The following OSBPL3 variants were observed in gnomAD, a reference collection of about 807,000 sequenced individuals.
OSBPL3 encodes oxysterol binding protein like 3.
OSBPL3 carries 65 observed loss-of-function variants against 120.1 expected under a neutral mutation model. That is an observed-to-expected ratio of 0.54 (90% CI 0.44 to 0.67). OSBPL3 has a LOEUF of 0.67. OSBPL3 is among the 30% of genes least tolerant of loss of function. OSBPL3 has a pLI of 0.00. For synonymous variants in OSBPL3, 416 were observed against 402.6 expected (o/e 1.03, Z -0.40); for missense variants, 1,004 against 1,082.1 (o/e 0.93, Z 1.01).
At chr7:24,888,364 G>GA (rs1804840030) in intron 2 of OSBPL3, among the ~76,000 whole-genome samples, 2 of 152,170 alleles carry the variant, frequency 1.3e-5, no homozygotes. Flanking sequence ...TTTTATTGAT[G>GA]AAAAAACTGA....
At chr7:24,911,907 T>G (rs1808878278) in intron 1 of OSBPL3, among the ~76,000 whole-genome samples, 1 of 152,224 alleles carries the variant, frequency 6.6e-6, no homozygotes, top group South Asian at 2.1e-4. Flanking sequence ...GGGTGGTTAC[T>G]GGTAGACTAG....
rs1259664389 is a variant in OSBPL3 at position 24,938,901 on chromosome 7, A to C, written c.-150+40985T>G. 6.6e-6 allele frequency among the ~76,000 whole-genome samples: 1 copy of C among 151,968 alleles called. No individual in the cohort carries two copies. The highest frequency in any genetic ancestry group is 1.5e-5 in the Non-Finnish European group (1 of 67,998). ...AAGATTGTTATTAAGGAAAAAGTAT[A>C]TAATGGGAGGCAACATTATTTGACA... On this transcript the variant is annotated intron_variant, in intron 1 of 22. Coordinates refer to ENST00000313367, the MANE Select transcript of OSBPL3 (RefSeq NM_015550.4). This position sits in a 1 kb window ranked among gnomAD's most constrained non-coding sequence, Gnocchi z 5.8.
intron 1 of OSBPL3, among the ~76,000 whole-genome samples, chr7:24,929,018 G>C (rs1484074942): frequency 9.2e-5 from 14 of 152,158 alleles, no homozygotes; most frequent in African/African-American, 3.1e-4. Context: ...GAAGCAGTAC[G>C]ACGGGCCAGA....
chr7:24,849,821 G>A lies in OSBPL3; in HGVS notation c.1159-645C>T, dbSNP rs918267480. 1.3e-5 allele frequency among the ~76,000 whole-genome samples: 2 copies of A among 152,016 alleles called. No homozygotes were observed. Among genetic ancestry groups the A allele is most frequent in the Non-Finnish European group, 2.9e-5 (2 of 67,992 alleles). On this transcript the variant is annotated intron_variant, in intron 11 of 22. Transcript: ENST00000313367. This position sits in a 1 kb window ranked among gnomAD's most constrained non-coding sequence, Gnocchi z 5.4. ...AATGCAAAAATTAGTTGGGCATGGT[G>A]GCACACACCTGTAGTCCCAGCTACT...
chr7:24,892,460 C>T lies in OSBPL3; in HGVS notation c.13G>A (p.Glu5Lys), dbSNP rs764767253. MMSD[E>K]KNLGVSQKLV... ...TTTTGGGACACACCAAGGTTCTTCT[C>T]ATCACTCATCATGGACAGCAAGTCA... Residue 5 changes from glutamate to lysine, a missense_variant, in exon 2 of 23, where the codon GAG (glutamate) becomes AAG (lysine). Coordinates refer to ENST00000313367, the MANE Select transcript of OSBPL3 (RefSeq NM_015550.4). 2 of 1,613,430 alleles carry T rather than the reference C, an allele frequency of 1.2e-6. No homozygotes were observed.
intron 10 of OSBPL3, among the ~76,000 whole-genome samples, chr7:24,861,254 T>C (rs1222156690): frequency 6.6e-6 from 1 of 152,224 alleles, no homozygotes; most frequent in East Asian, 1.9e-4. Context: ...TCTAAGTTAA[T>C]TCCTACAATG....
At chr7:24,914,565 C>T (rs1809283131) in intron 1 of OSBPL3, among the ~76,000 whole-genome samples, 1 of 151,988 alleles carries the variant, frequency 6.6e-6, no homozygotes, top group Non-Finnish European at 1.5e-5. Flanking sequence ...CAAACCTAGA[C>T]ACATTTCTGC....
chr7:24,880,110 G>A (rs1803443102), intron 2 of OSBPL3, among the ~76,000 whole-genome samples: 1 of 152,058 alleles, frequency 6.6e-6, no homozygotes, highest in African/African-American at 2.4e-5. Context: ...TTGCTATTGT[G>A]GTAGTGATTA....
At chr7:24,901,912 T>C (rs528884243) in intron 1 of OSBPL3, among the ~76,000 whole-genome samples, 8 of 152,362 alleles carry the variant, frequency 5.3e-5, no homozygotes, top group Admixed American at 2.6e-4. Context: ...AATGAGATAA[T>C]TGCTGCCAAT....
intron 2 of OSBPL3, among the ~76,000 whole-genome samples, chr7:24,874,116 G>C (rs1158819975): frequency 6.6e-6 from 1 of 152,202 alleles, no homozygotes; most frequent in Admixed American, 6.5e-5. Flanking sequence ...CTTGGAATAA[G>C]TCTGCAAACA....
chr7:24,979,362 T>C (rs1817944647), intron 1 of OSBPL3, among the ~76,000 whole-genome samples: 1 of 151,824 alleles, frequency 6.6e-6, no homozygotes, highest in African/African-American at 2.4e-5. Flanking sequence ...GAATGTGCCC[T>C]GGGCCTCCAG....
chr7:24,798,735 C>A lies in OSBPL3; in HGVS notation c.*1448G>T, dbSNP rs1307662147. 1 of 152,582 alleles carries A rather than the reference C, an allele frequency of 6.6e-6. No individual in the cohort carries two copies. The highest frequency in any genetic ancestry group is 1.5e-5 in the Non-Finnish European group (1 of 68,014). The allele number at this position is 152,582 out of a possible 1,614,324, so 9.5% of individuals were successfully genotyped here. ...CTCTTCATTCATAACATTCGATATGCTCTGAATTTCTTTAAGTATCTCAAA... is the reference window on the plus strand; with the variant it reads ...CTCTTCATTCATAACATTCGATATGATCTGAATTTCTTTAAGTATCTCAAA... On this transcript the variant is annotated 3_prime_UTR_variant, in exon 23 of 23. Coordinates refer to ENST00000313367, the MANE Select transcript of OSBPL3 (RefSeq NM_015550.4). This position sits in a 1 kb window ranked among gnomAD's most constrained non-coding sequence, Gnocchi z 4.6.
In OSBPL3 at chr7:24,881,891, A is replaced by T. The variant is rs1026604445; in HGVS notation, c.97-9822T>A. Among the ~76,000 whole-genome samples, 1 of 151,850 alleles carries T rather than the reference A, an allele frequency of 6.6e-6. No homozygotes were observed. The highest frequency in any genetic ancestry group is 6.6e-5 in the Admixed American group (1 of 15,244). ...GCTTGGCTTGTAGCTGCATCACTCC[A>T]ATCTCTCTCTCCACCATCACATCAC... On this transcript the variant is annotated intron_variant, in intron 2 of 22. Coordinates refer to ENST00000313367, the MANE Select transcript of OSBPL3 (RefSeq NM_015550.4). The surrounding 1 kb of genome is among the most constrained non-coding windows in gnomAD (Gnocchi z 4.3).
chr7:24,879,127 C>T lies in OSBPL3; in HGVS notation c.97-7058G>A, dbSNP rs1803277012. Among the ~76,000 whole-genome samples the T allele has an allele frequency of 1.3e-5, 2 of 152,184 alleles. No individual in the cohort carries two copies. The highest frequency in any genetic ancestry group is 1.3e-4 in the Admixed American group (2 of 15,278). ...TATGAAAGTCTCTGGAGTGCTCCATCAGAGGCTGGTGGTCACCTGGCAGAG... is the reference window on the plus strand; with the variant it reads ...TATGAAAGTCTCTGGAGTGCTCCATTAGAGGCTGGTGGTCACCTGGCAGAG... On this transcript the variant is annotated intron_variant, in intron 2 of 22. Coordinates refer to ENST00000313367, the MANE Select transcript of OSBPL3 (RefSeq NM_015550.4). The surrounding 1 kb of genome is among the most constrained non-coding windows in gnomAD (Gnocchi z 5.6).
chr7:24,851,189 G>GA lies in OSBPL3; in HGVS notation c.1158+1314dup, dbSNP rs954641931. Among the ~76,000 whole-genome samples the GA allele has an allele frequency of 6.6e-5, 10 of 151,340 alleles. No individual in the cohort carries two copies. Among genetic ancestry groups the GA allele is most frequent in the Non-Finnish European group, 1.0e-4 (7 of 67,846 alleles). On this transcript the variant is annotated intron_variant, in intron 11 of 22. Coordinates refer to ENST00000313367, the MANE Select transcript of OSBPL3 (RefSeq NM_015550.4). The surrounding 1 kb of genome is among the most constrained non-coding windows in gnomAD (Gnocchi z 4.1). ...TAATGAGAACAATAAGAAAGTTAGG[G>GA]AAAAAAAACAAAAACACTTTGCTTC...
At chr7:24,884,419 A>G (rs183822039) in intron 2 of OSBPL3, among the ~76,000 whole-genome samples, 4 of 152,318 alleles carry the variant, frequency 2.6e-5, no homozygotes, top group East Asian at 1.9e-4. Flanking sequence ...CTGAGACTCC[A>G]AAGGGTAGCA....
Position 24,914,056 on chromosome 7 carries a change from C to T in OSBPL3, c.-149-21435G>A, listed in dbSNP as rs139902534. Among the ~76,000 whole-genome samples the T allele has an allele frequency of 2.1e-3, 318 of 152,168 alleles. 1 individual carries two copies. Among genetic ancestry groups the T allele is most frequent in the African/African-American group, 7.5e-3 (310 of 41,512 alleles). ...ATATTGCAGTGCAAAGATCTAGTTCCCACCACAAATGGGCTTCCCTGAGGG... is the reference window on the plus strand; with the variant it reads ...ATATTGCAGTGCAAAGATCTAGTTCTCACCACAAATGGGCTTCCCTGAGGG... On this transcript the variant is annotated intron_variant, in intron 1 of 22. Transcript: ENST00000313367.
intron 16 of OSBPL3, among the ~76,000 whole-genome samples, chr7:24,828,633 A>AAAAAAAAAAAG (rs1554349993): frequency 7.4e-5 from 10 of 134,622 alleles, no homozygotes; most frequent in Admixed American, 2.4e-4. Context: ...AAAAAAAAAA[A>AAAAAAAAAAAG]AAAGGCATCG....
At chr7:24,917,791 T>G (rs1809893957) in intron 1 of OSBPL3, among the ~76,000 whole-genome samples, 1 of 152,038 alleles carries the variant, frequency 6.6e-6, no homozygotes, top group Non-Finnish European at 1.5e-5. Context: ...TCTTAAACAT[T>G]CACTCTTAAA....
Sources: gnomAD v4.1 joint callset for allele counts (sites outside exome capture counted in the v4.1 genomes callset) on GRCh38, gnomAD v4.1.1 for gene constraint, Gnocchi (gnomAD v3.1) non-coding constraint, MANE v1.5 for transcripts, NCBI Gene and HGNC (gene_info 2026-07-23, HGNC 2026-07-21) for gene names.